The following CDK15 variants were observed in gnomAD, a reference collection of about 807,000 sequenced individuals.
The protein encoded by CDK15 is cyclin-dependent kinase 15.
CDK15 carries 62 observed loss-of-function variants against 60.3 expected under a neutral mutation model. The observed-to-expected ratio is 1.03, with a 90% CI of 0.84 to 1.27. CDK15 has a LOEUF of 1.27. CDK15 is among the 50% of genes most tolerant of loss of function. The pLI is 0.00. For synonymous variants in CDK15, 194 were observed against 195.7 expected (o/e 0.99, Z 0.07); for missense variants, 541 against 527.8 (o/e 1.03, Z -0.25).
At chr2:201,889,258 G>A (rs1410006458) in intron 12 of CDK15, 7 of 985,198 alleles carry the variant, frequency 7.1e-6, no homozygotes, top group African/African-American at 1.7e-5. Flanking sequence ...GAGATATTTT[G>A]AGCACCCCAG....
intron 10 of CDK15, among the ~76,000 whole-genome samples, chr2:201,864,388 G>A (rs1400375045): frequency 6.6e-6 from 1 of 152,188 alleles, no homozygotes; most frequent in Admixed American, 6.5e-5. Context: ...CGCGATCTTG[G>A]CTCACTGCAA....
intron 10 of CDK15, among the ~76,000 whole-genome samples, chr2:201,869,320 A>G (rs893551859): frequency 6.8e-6 from 1 of 146,058 alleles, no homozygotes; most frequent in South Asian, 2.4e-4. Flanking sequence ...ACAGGGGGGA[A>G]TTGAACAATG....
chr2:201,865,964 G>A (rs533295769), intron 10 of CDK15, among the ~76,000 whole-genome samples: 1 of 141,932 alleles, frequency 7.0e-6, no homozygotes, highest in African/African-American at 2.6e-5. Flanking sequence ...TTCCAAGCCA[G>A]CTACCTGAGG....
chr2:201,817,041 G>A (rs571112379), intron 4 of CDK15, among the ~76,000 whole-genome samples: 1 of 152,330 alleles, frequency 6.6e-6, no homozygotes, highest in East Asian at 1.9e-4. Context: ...TCTGCAAGGA[G>A]AGGTACACCC....
intron 13 of CDK15, among the ~76,000 whole-genome samples, chr2:201,892,228 G>T (rs1224745109): frequency 6.6e-6 from 1 of 152,172 alleles, no homozygotes; most frequent in South Asian, 2.1e-4. Context: ...ATTCTCTAGA[G>T]CAGAGCTTTT....
intron 10 of CDK15, among the ~76,000 whole-genome samples, chr2:201,865,763 G>A (rs1478927294): frequency 1.3e-5 from 2 of 151,932 alleles, no homozygotes; most frequent in African/African-American, 4.8e-5. Flanking sequence ...GGTGGTGTGT[G>A]CCTATAGTCC....
At chr2:201,874,508 T>C (rs1188780955) in intron 11 of CDK15, among the ~76,000 whole-genome samples, 3 of 152,174 alleles carry the variant, frequency 2.0e-5, no homozygotes, top group Non-Finnish European at 4.4e-5. Context: ...TTGGCCAAGG[T>C]AGTCCAACTA....
intron 10 of CDK15, among the ~76,000 whole-genome samples, chr2:201,868,184 G>A (rs2105810862): frequency 6.6e-6 from 1 of 152,328 alleles, no homozygotes; most frequent in African/African-American, 2.4e-5. Flanking sequence ...ACACCTGAGT[G>A]GGAGAGAGAG....
chr2:201,861,551 G>GTTTTTTTTTTTTTTGTTTTT (rs538808229), intron 10 of CDK15: 2 of 680,602 alleles, frequency 2.9e-6, no homozygotes, highest in Admixed American at 7.9e-5. Flanking sequence ...TTGTTGGTTT[G>GTTTTTTTTTTTTTTGTTTTT]TTTTTTTTTT....
In CDK15 at chr2:201,835,152, A is replaced by T. The variant is rs574123779; in HGVS notation, c.731-491A>T. Among the ~76,000 whole-genome samples the T allele has an allele frequency of 4.6e-5, 7 of 152,310 alleles. No individual in the cohort carries two copies. In the South Asian group the frequency reaches 1.4e-3, roughly 32 times the overall value. On this transcript the variant is annotated intron_variant, in intron 7 of 13. Transcript: ENST00000652192. ...ATTACAGAGGTATAACATGCTAGAA[A>T]CTTAACTTTCTTTCGCATCACAGTC...
intron 12 of CDK15, among the ~76,000 whole-genome samples, chr2:201,883,677 C>G (rs1213742935): frequency 6.6e-6 from 1 of 152,192 alleles, no homozygotes; most frequent in African/African-American, 2.4e-5. Flanking sequence ...TATTGGTAGT[C>G]CCTCTCAAAA....
At chr2:201,851,370 G>A (rs1697900805) in intron 9 of CDK15, among the ~76,000 whole-genome samples, 1 of 151,480 alleles carries the variant, frequency 6.6e-6, no homozygotes, top group Non-Finnish European at 1.5e-5. Context: ...CAAGATCAAG[G>A]CACTGTAGGC....
chr2:201,808,335 G>T (rs6742520), intron 3 of CDK15, among the ~76,000 whole-genome samples: 78,326 of 151,980 alleles, frequency 0.52, 22,993 homozygotes, highest in Admixed American at 0.66. Context: ...AATGACAGAG[G>T]TTTGTAATGG....
chr2:201,840,844 C>T (rs181547322), intron 8 of CDK15, among the ~76,000 whole-genome samples: 11 of 152,224 alleles, frequency 7.2e-5, no homozygotes, highest in African/African-American at 2.6e-4. Flanking sequence ...GCAGTTTTCT[C>T]TAGGAGGTGT....
intron 8 of CDK15, among the ~76,000 whole-genome samples, chr2:201,837,454 GGAAGGAAGGAA>G (rs1451289260): frequency 1.2e-3 from 4 of 3,288 alleles, no homozygotes; most frequent in African/African-American, 7.8e-3. Flanking sequence ...AGGAAAGGAA[GGAAGGAAGGAA>G]GGAAGGAAGG....
At chr2:201,834,074 A>G (rs1042873349) in intron 7 of CDK15, 103 bp downstream of exon 7, 3 of 1,359,976 alleles carry the variant, frequency 2.2e-6, no homozygotes, top group Non-Finnish European at 3.0e-6. Context: ...CTGGAGGCCC[A>G]AGAACATGAT....
intron 2 of CDK15, 64 bp from the exon 3 acceptor site, chr2:201,807,794 T>TA (rs556099680): frequency 2.7e-5 from 42 of 1,550,162 alleles, no homozygotes; most frequent in African/African-American, 1.1e-4. Context: ...AAGTCAACAC[T>TA]AAAAAAAAGT....
chr2:201,814,003 A>T (rs1328332428), intron 4 of CDK15, among the ~76,000 whole-genome samples: 39 of 152,208 alleles, frequency 2.6e-4, no homozygotes, highest in Non-Finnish European at 5.6e-4. Flanking sequence ...AGATGTATGG[A>T]TAGGTTAAAG....
At chr2:201,840,544 C>T (rs1202988672) in intron 8 of CDK15, among the ~76,000 whole-genome samples, 1 of 152,090 alleles carries the variant, frequency 6.6e-6, no homozygotes, top group Non-Finnish European at 1.5e-5. Flanking sequence ...TCCTGAAATA[C>T]ATCTTTTAGA....
Sources: gnomAD v4.1 joint callset for allele counts (sites outside exome capture counted in the v4.1 genomes callset) on GRCh38, gnomAD v4.1.1 for gene constraint, MANE v1.5 for transcripts, NCBI Gene and HGNC (gene_info 2026-07-23, HGNC 2026-07-21) for gene names.